The following FBXL13 variants were observed in gnomAD, a reference collection of about 807,000 sequenced individuals.
FBXL13 encodes the protein F-box and leucine rich repeat protein 13.
Under a neutral mutation model 83.6 loss-of-function variants are expected in FBXL13, and 67 were observed. That is an observed-to-expected ratio of 0.80 (90% CI 0.66 to 0.98). FBXL13 has a LOEUF of 0.98. Among genes scored for constraint, FBXL13 ranks in the 50% least tolerant of loss-of-function variants. The pLI is 0.00. For synonymous variants in FBXL13, 272 were observed against 299.5 expected (o/e 0.91, Z 0.95); for missense variants, 822 against 866.5 (o/e 0.95, Z 0.64).
Position 103,052,042 on chromosome 7 carries a change from T to G in FBXL13, c.-1+3602A>C, listed in dbSNP as rs183797057. On this transcript the variant is annotated intron_variant, in intron 2 of 19. Transcript: ENST00000313221. ...ATTTAGATCACTTTAACAGCACATA[T>G]TGGCAGTCCTCACTGTGCAGAACTG... Among the ~76,000 whole-genome samples, 32 of 152,334 alleles carry G rather than the reference T, an allele frequency of 2.1e-4. No homozygotes were observed. The East Asian group carries it at 4.2e-3, about 20-fold the overall frequency.
intron 11 of FBXL13, among the ~76,000 whole-genome samples, chr7:102,906,975 T>A (rs79941471): frequency 6.6e-6 from 1 of 151,586 alleles, no homozygotes; most frequent in Non-Finnish European, 1.5e-5. Context: ...TTTGTTTTTG[T>A]TTTTTTTGGT....
At chr7:103,013,211 C>T (rs372528203) in intron 6 of FBXL13, among the ~76,000 whole-genome samples, 1 of 152,196 alleles carries the variant, frequency 6.6e-6, no homozygotes, top group African/African-American at 2.4e-5. Flanking sequence ...CCCACTGACA[C>T]TATTGAACAG....
chr7:103,033,682 T>C (rs1226909377), intron 2 of FBXL13, among the ~76,000 whole-genome samples: 2 of 152,094 alleles, frequency 1.3e-5, no homozygotes, highest in African/African-American at 4.8e-5. Flanking sequence ...ACGGTGAGTG[T>C]TACAGCTCAT....
chr7:102,912,873 G>A (rs1815020355), intron 11 of FBXL13: 1 of 535,368 alleles, frequency 1.9e-6, no homozygotes, highest in Non-Finnish European at 3.2e-6. Flanking sequence ...AGCTCTGCCT[G>A]TTTGTCTGTG....
chr7:102,997,782 G>A (rs1382017999), intron 6 of FBXL13, among the ~76,000 whole-genome samples: 1 of 152,082 alleles, frequency 6.6e-6, no homozygotes, highest in Non-Finnish European at 1.5e-5. Flanking sequence ...ATATTCCATT[G>A]GGTACGTATA....
At chr7:103,050,848 C>T (rs1321806005) in intron 2 of FBXL13, among the ~76,000 whole-genome samples, 2 of 152,142 alleles carry the variant, frequency 1.3e-5, no homozygotes, top group East Asian at 1.9e-4. Flanking sequence ...CACCTATAGC[C>T]GTCAGCAAAA....
intron 9 of FBXL13, among the ~76,000 whole-genome samples, chr7:102,929,416 C>A (rs1341400856): frequency 2.0e-5 from 3 of 152,138 alleles, no homozygotes; most frequent in African/African-American, 7.2e-5. Flanking sequence ...AATCCCAGCA[C>A]TTTGGGAGGC....
intron 6 of FBXL13, among the ~76,000 whole-genome samples, chr7:102,984,174 T>A (rs187478943): frequency 6.6e-6 from 1 of 151,476 alleles, no homozygotes; most frequent in African/African-American, 2.4e-5. Flanking sequence ...GAAAAAAGAG[T>A]CATTTGCATC....
intron 16 of FBXL13, among the ~76,000 whole-genome samples, chr7:102,870,294 T>C (rs1227628624): frequency 6.6e-6 from 1 of 152,166 alleles, no homozygotes; most frequent in East Asian, 1.9e-4. Flanking sequence ...TTTTTAAAAA[T>C]CTAGAGACAT....
At chr7:102,931,827 A>G (rs1819231905) in intron 9 of FBXL13, 54 bp downstream of exon 10, 1 of 1,533,690 alleles carries the variant, frequency 6.5e-7, no homozygotes, top group Non-Finnish European at 9.0e-7. Flanking sequence ...TTGGCACCCC[A>G]ATGTAGCAAG....
At chr7:103,036,969 C>T (rs769584582) in intron 2 of FBXL13, among the ~76,000 whole-genome samples, 12 of 152,188 alleles carry the variant, frequency 7.9e-5, no homozygotes, top group Non-Finnish European at 1.8e-4. Context: ...TTACCAACTT[C>T]ATTAAGTAAA....
At chr7:102,884,287 A>G (rs1584774268) in exon 12 of FBXL13, 2 of 1,613,572 alleles carry the variant, frequency 1.2e-6, no homozygotes, top group Admixed American at 1.7e-5. Context: ...GCTGTTTGCA[A>G]TGTACCTGAA....
chr7:102,894,701 C>T (rs1016375135), intron 11 of FBXL13, among the ~76,000 whole-genome samples: 1 of 150,072 alleles, frequency 6.7e-6, no homozygotes. Context: ...TGTACTACAG[C>T]CTGGGTCACA....
intron 2 of FBXL13, 28 bp from the exon 4 acceptor site, chr7:103,029,446 A>G: frequency 8.0e-7 from 1 of 1,252,758 alleles, no homozygotes. Context: ...TTGAAATAAC[A>G]AATATTAGAA....
chr7:102,861,896 C>T (rs1046157828), intron 16 of FBXL13, among the ~76,000 whole-genome samples: 2 of 150,494 alleles, frequency 1.3e-5, no homozygotes, highest in African/African-American at 2.5e-5. Context: ...GCAGGAGAAT[C>T]GCTTTAACCC....
chr7:103,057,148 AAAT>A (rs1274929917), intron 1 of FBXL13, among the ~76,000 whole-genome samples: 3 of 152,200 alleles, frequency 2.0e-5, no homozygotes, highest in African/African-American at 7.2e-5. Flanking sequence ...TTAAAAAGTC[AAAT>A]AATGTGACAG....
intron 6 of FBXL13, among the ~76,000 whole-genome samples, chr7:102,995,279 A>C (rs963872711): frequency 1.3e-5 from 2 of 151,680 alleles, no homozygotes; most frequent in African/African-American, 2.4e-5. Context: ...CAGGAGATCG[A>C]GACCATTATG....
chr7:102,853,165 A>G (rs1482245346), intron 17 of FBXL13, among the ~76,000 whole-genome samples: 2 of 152,142 alleles, frequency 1.3e-5, no homozygotes, highest in African/African-American at 4.8e-5. Flanking sequence ...GATTTTGGGG[A>G]CTTGGGGGAA....
chr7:102,822,347 C>T (rs1798911839), intron 18 of FBXL13, 144 bp from the exon 20 acceptor site: 1 of 824,138 alleles, frequency 1.2e-6, no homozygotes, highest in African/African-American at 1.7e-5. Flanking sequence ...GTTCTAGAGG[C>T]TGGGAAGTCC....
Sources: allele counts gnomAD v4.1 joint callset (sites outside exome capture counted in the v4.1 genomes callset), GRCh38; gene constraint gnomAD v4.1.1; transcripts MANE v1.5; gene names NCBI Gene and HGNC (gene_info 2026-07-23, HGNC 2026-07-21).